ZNF644: variants seen among roughly 807,000 people sequenced by gnomAD.
ZNF644 encodes zinc finger protein 644.
A neutral mutation model predicts 108.0 loss-of-function variants in ZNF644; 20 were observed. The ratio of observed to expected loss-of-function variants is 0.19; its 90% confidence interval spans 0.13 to 0.27. ZNF644 has a LOEUF of 0.27. ZNF644 is among the 10% of genes least tolerant of loss of function. The probability of loss-of-function intolerance (pLI) is 1.00; values close to 1 mark genes in which losing one functional copy is unlikely to be tolerated. For missense variants in ZNF644, 1,338 were observed against 1,548.9 expected, an observed-to-expected ratio of 0.86 and a Z score of 2.29; for synonymous variants, 542 against 539.1, an observed-to-expected ratio of 1.01 and a Z score of -0.08.
At chr1:90,946,299 A>G (rs2101007686) in intron 2 of ZNF644, among the ~76,000 whole-genome samples, 1 of 152,170 alleles carries the variant, frequency 6.6e-6, no homozygotes, top group Non-Finnish European at 1.5e-5. Flanking sequence ...GAAACACTAA[A>G]AAAATACAGA....
At chr1:91,000,793 C>T (rs543476420) in intron 1 of ZNF644, among the ~76,000 whole-genome samples, 6 of 152,034 alleles carry the variant, frequency 3.9e-5, no homozygotes, top group African/African-American at 1.4e-4. Flanking sequence ...ACTAGCAACA[C>T]TAATAAAGAA....
chr1:90,978,381 A>T (rs148145064), intron 2 of ZNF644, among the ~76,000 whole-genome samples: 9 of 152,162 alleles, frequency 5.9e-5, no homozygotes, highest in African/African-American at 2.2e-4. Context: ...GAAATACTAA[A>T]TACTAACTGT....
At chr1:90,943,602 A>C (rs994182392) in intron 2 of ZNF644, among the ~76,000 whole-genome samples, 4 of 152,140 alleles carry the variant, frequency 2.6e-5, no homozygotes, top group South Asian at 2.1e-4. Flanking sequence ...TTATACCAAC[A>C]ATCATTTTTT....
At chr1:91,013,735 G>A (rs1252006593) in intron 1 of ZNF644, among the ~76,000 whole-genome samples, 2 of 152,016 alleles carry the variant, frequency 1.3e-5, no homozygotes, top group Non-Finnish European at 2.9e-5. Flanking sequence ...ACTTCATGTG[G>A]CTACTGAATA....
At chr1:91,015,343 T>C (rs1660338478) in intron 1 of ZNF644, among the ~76,000 whole-genome samples, 1 of 152,160 alleles carries the variant, frequency 6.6e-6, no homozygotes, top group Non-Finnish European at 1.5e-5. Flanking sequence ...GAAATGCTGT[T>C]TGGGAAATTC....
At chr1:91,021,876 A>G (rs1362803176) in intron 1 of ZNF644, 114 bp downstream of exon 1, 5 of 398,246 alleles carry the variant, frequency 1.3e-5, no homozygotes, top group East Asian at 1.1e-4. Flanking sequence ...CGAGAGCCGG[A>G]GGCCGGGTCC....
chr1:91,021,425 A>G (rs888568360), intron 1 of ZNF644: 1 of 152,354 alleles, frequency 6.6e-6, no homozygotes, highest in African/African-American at 2.4e-5. Flanking sequence ...AGCCTCAACG[A>G]GAGGGGTTGG....
intron 4 of ZNF644, among the ~76,000 whole-genome samples, chr1:90,930,145 G>A (rs534723457): frequency 6.6e-6 from 1 of 152,136 alleles, no homozygotes; most frequent in Non-Finnish European, 1.5e-5. Context: ...AATTAGCCGG[G>A]CGTGATGGCG....
intron 4 of ZNF644, among the ~76,000 whole-genome samples, chr1:90,919,105 A>C (rs547654810): frequency 6.6e-6 from 1 of 152,266 alleles, no homozygotes; most frequent in Non-Finnish European, 1.5e-5. Context: ...GGTATTTTTT[A>C]TAGGTAGCAA....
At chr1:90,975,150 A>T (rs1480443166) in intron 2 of ZNF644, among the ~76,000 whole-genome samples, 1 of 152,208 alleles carries the variant, frequency 6.6e-6, no homozygotes, top group Non-Finnish European at 1.5e-5. Context: ...AATGTCTATG[A>T]GTAAAGTATT....
intron 4 of ZNF644, among the ~76,000 whole-genome samples, chr1:90,924,262 T>G (rs971031585): frequency 2.0e-5 from 3 of 152,174 alleles, no homozygotes; most frequent in Non-Finnish European, 2.9e-5. Context: ...AAATAACATT[T>G]AAAAATTTCT....
chr1:90,996,530 A>T (rs915440085), intron 1 of ZNF644, among the ~76,000 whole-genome samples: 6 of 152,186 alleles, frequency 3.9e-5, no homozygotes, highest in Non-Finnish European at 8.8e-5. Flanking sequence ...TATGCCTATA[A>T]TCCCAACTAC....
rs368037507 is a variant in ZNF644 at position 91,017,689 on chromosome 1, C to T, written c.-18+4301G>A. On this transcript the variant is annotated intron_variant, in intron 1 of 5. Coordinates refer to ENST00000337393, the MANE Select transcript of ZNF644 (RefSeq NM_201269.3). ...AAAGGATAGTAACTACTGCCAGGTG[C>T]GGTGGCTCACGCCTGTAATCCCAGC... is the stretch of plus-strand genomic sequence containing the variant. Among the ~76,000 whole-genome samples, 9 of 152,244 alleles carry T rather than the reference C, an allele frequency of 5.9e-5. No homozygotes were observed. The East Asian group carries it at 1.2e-3, about 20-fold the overall frequency.
At chr1:90,989,423 G>C (rs543701119) in intron 1 of ZNF644, among the ~76,000 whole-genome samples, 2 of 151,868 alleles carry the variant, frequency 1.3e-5, no homozygotes, top group Non-Finnish European at 2.9e-5. Flanking sequence ...CGCGTTTGTA[G>C]TACCAGCTAC....
chr1:90,948,197 G>A (rs770053626), intron 2 of ZNF644, among the ~76,000 whole-genome samples: 1 of 152,168 alleles, frequency 6.6e-6, no homozygotes, highest in African/African-American at 2.4e-5. Context: ...CATAGAATCA[G>A]CACCAAGTCA....
At chr1:90,984,972 G>A (rs1656949477) in intron 1 of ZNF644, among the ~76,000 whole-genome samples, 1 of 152,032 alleles carries the variant, frequency 6.6e-6, no homozygotes, top group Non-Finnish European at 1.5e-5. Flanking sequence ...CTTTAAAATG[G>A]TAAATTTTGT....
In ZNF644 at chr1:90,940,346, G is replaced by A; in HGVS notation, c.1008C>T (p.Asp336=). The part of the protein sequence containing the change: ...LEQNEELQAV[D]SQKYALSKVK... The stretch of plus-strand genomic sequence containing the variant: ...CTTTTGATAATGCATATTTCTGTGA[G>A]TCTACTGCTTGTAGCTCTTCATTTT... The change falls in exon 3 of 6, where the codon GAC becomes GAT. Residue 336 remains aspartate (D), a synonymous_variant. Coordinates refer to ENST00000337393, the MANE Select transcript of ZNF644 (RefSeq NM_201269.3). 1 of 1,613,770 alleles carries A rather than the reference G, an allele frequency of 6.2e-7. No homozygotes were observed. The highest frequency in any genetic ancestry group is 8.5e-7 in the Non-Finnish European group (1 of 1,179,952).
intron 2 of ZNF644, among the ~76,000 whole-genome samples, chr1:90,967,896 A>AC (rs1043974185): frequency 1.0e-5 from 1 of 99,062 alleles, no homozygotes; most frequent in African/African-American, 3.5e-5. Context: ...AAAAAATACA[A>AC]AAAAAAAAAA....
intron 1 of ZNF644, among the ~76,000 whole-genome samples, chr1:90,999,617 A>G (rs1307465854): frequency 6.6e-6 from 1 of 152,230 alleles, no homozygotes; most frequent in Non-Finnish European, 1.5e-5. Context: ...TGCAAGGAAG[A>G]AACTGCATCA....
Sources: allele counts gnomAD v4.1 joint callset (sites outside exome capture counted in the v4.1 genomes callset), GRCh38; gene constraint gnomAD v4.1.1; transcripts MANE v1.5; gene names NCBI Gene and HGNC (gene_info 2026-07-23, HGNC 2026-07-21).